Variants in PPARD observed in about 807,000 individuals in gnomAD.
PPARD encodes the protein peroxisome proliferator-activated receptor delta.
PPARD carries 6 observed loss-of-function variants against 39.5 expected under a neutral mutation model. That is an observed-to-expected ratio of 0.15 (90% CI 0.08 to 0.30). PPARD has a LOEUF of 0.30. PPARD is among the 10% of genes least tolerant of loss of function. The probability of loss-of-function intolerance (pLI) is 1.00; values close to 1 mark genes in which losing one functional copy is unlikely to be tolerated. For missense variants in PPARD, 397 were observed against 596.8 expected (o/e 0.67, Z 3.49); for synonymous variants, 210 against 231.3 (o/e 0.91, Z 0.83).
intron 2 of PPARD, among the ~76,000 whole-genome samples, chr6:35,370,273 T>A (rs1393388220): frequency 1.4e-4 from 22 of 152,114 alleles, no homozygotes; most frequent in Non-Finnish European, 1.5e-4. Flanking sequence ...TGTGGCTCCG[T>A]GGTATTGTAT....
At chr6:35,388,022 A>G (rs908326344) in intron 2 of PPARD, among the ~76,000 whole-genome samples, 7 of 136,358 alleles carry the variant, frequency 5.1e-5, no homozygotes, top group African/African-American at 2.1e-4. Flanking sequence ...ACACCTGGCC[A>G]TTCTTTTTTT....
At chr6:35,390,509 T>C (rs1385595277) in intron 2 of PPARD, among the ~76,000 whole-genome samples, 7 of 152,162 alleles carry the variant, frequency 4.6e-5, no homozygotes, top group South Asian at 2.1e-4. Context: ...CCAACAGTTA[T>C]TAACTTTCAG....
At position 35,390,681 on chromosome 6, in the gene PPARD, A is replaced by G. The variant is rs368019423; in HGVS notation, c.-101-20306A>G. ...TTTCAGAGGTGTTTCTGTAAAAAAA[A>G]AAGAAAGAAAAGAAAAAGAGAAAAA... On this transcript the variant is annotated intron_variant, in intron 2 of 7. Transcript: ENST00000360694. 5.3e-4 allele frequency among the ~76,000 whole-genome samples: 80 copies of G among 152,152 alleles called. 1 individual carries two copies. The highest frequency in any genetic ancestry group is 1.9e-3 in the African/African-American group (78 of 41,554).
intron 3 of PPARD, among the ~76,000 whole-genome samples, chr6:35,415,881 A>G (rs980694240): frequency 2.0e-5 from 3 of 151,994 alleles, no homozygotes; most frequent in Non-Finnish European, 4.4e-5. Context: ...AAAGGCAGGC[A>G]GGCTGGAGAG....
At chr6:35,386,562 A>G (rs1763672980) in intron 2 of PPARD, among the ~76,000 whole-genome samples, 1 of 152,056 alleles carries the variant, frequency 6.6e-6, no homozygotes, top group Non-Finnish European at 1.5e-5. Flanking sequence ...AATATTGGAG[A>G]TGACGGAATA....
intron 2 of PPARD, among the ~76,000 whole-genome samples, chr6:35,400,182 C>T (rs1392304912): frequency 2.0e-5 from 3 of 152,162 alleles, no homozygotes; most frequent in East Asian, 3.9e-4. Flanking sequence ...TGCAATTGCA[C>T]GTCCCATTTC....
rs561759418 is a variant in PPARD at position 35,366,612 on chromosome 6, T to C, written c.-102+19462T>C. Among the ~76,000 whole-genome samples the C allele has an allele frequency of 9.1e-3, 1,373 of 150,792 alleles. 38 individuals are homozygous for C. Among genetic ancestry groups the C allele is most frequent in the African/African-American group, 0.031 (1,260 of 40,256 alleles). ...TCACCCAGGCTGGAGTGCAGTGGCA[T>C]GATCTCGGCTCACTGCAACCTCTGC... On this transcript the variant is annotated intron_variant, in intron 2 of 7. Coordinates refer to ENST00000360694, the MANE Select transcript of PPARD (RefSeq NM_006238.5). This position sits in a 1 kb window ranked among gnomAD's most constrained non-coding sequence, Gnocchi z 4.6.
chr6:35,408,503 A>C (rs1318273801), intron 2 of PPARD, among the ~76,000 whole-genome samples: 1 of 152,198 alleles, frequency 6.6e-6, no homozygotes, highest in African/African-American at 2.4e-5. Context: ...GTGCTTCTCA[A>C]GTTTAACACC....
intron 2 of PPARD, chr6:35,348,339 G>C: frequency 5.1e-6 from 5 of 985,372 alleles, no homozygotes; most frequent in Non-Finnish European, 6.0e-6. Context: ...ATAACACACA[G>C]AATTGTTTCT....
rs9658092 is a variant in PPARD at position 35,377,730 on chromosome 6, C to G, written c.-102+30580C>G. Among the ~76,000 whole-genome samples the G allele has an allele frequency of 1.7e-3, 260 of 152,256 alleles. 1 individual carries two copies. The highest frequency in any genetic ancestry group is 3.2e-3 in the Non-Finnish European group (220 of 68,016). ...AGGCTGCCAGGCCTCTGCGCAATTG[C>G]ACTGTTTATTCCTTTGCTGGAATTG... On this transcript the variant is annotated intron_variant, in intron 2 of 7. Coordinates refer to ENST00000360694, the MANE Select transcript of PPARD (RefSeq NM_006238.5).
intron 5 of PPARD, among the ~76,000 whole-genome samples, chr6:35,422,436 G>A (rs890195801): frequency 1.3e-5 from 2 of 152,172 alleles, no homozygotes; most frequent in African/African-American, 2.4e-5. Flanking sequence ...TTTCTTGGAG[G>A]TCACCCACTC....
chr6:35,416,987 A>AT (rs1340974268), intron 3 of PPARD, among the ~76,000 whole-genome samples: 1 of 145,756 alleles, frequency 6.9e-6, no homozygotes, highest in African/African-American at 2.6e-5. Flanking sequence ...TTGTTTATTT[A>AT]TTTTTTTGAG....
intron 3 of PPARD, among the ~76,000 whole-genome samples, chr6:35,413,912 C>T (rs1765586922): frequency 6.6e-6 from 1 of 152,054 alleles, no homozygotes; most frequent in Admixed American, 6.6e-5. Flanking sequence ...ACGAACTCCT[C>T]AGGTGATCCT....
chr6:35,396,174 C>T (rs1171953871), intron 2 of PPARD, among the ~76,000 whole-genome samples: 5 of 151,870 alleles, frequency 3.3e-5, no homozygotes, highest in African/African-American at 7.3e-5. Context: ...TTATTTTCTT[C>T]TTTGAAACTC....
chr6:35,354,814 A>G (rs547640790), intron 2 of PPARD, among the ~76,000 whole-genome samples: 4 of 152,172 alleles, frequency 2.6e-5, no homozygotes, highest in Non-Finnish European at 5.9e-5. Context: ...TCAACATATG[A>G]TGGGTTTGTC....
intron 2 of PPARD, among the ~76,000 whole-genome samples, chr6:35,402,616 C>T (rs1764778319): frequency 6.6e-6 from 1 of 152,178 alleles, no homozygotes. Flanking sequence ...TGTCTTTTCT[C>T]TGGTTCCAGC....
At chr6:35,422,652 C>T (rs564275076) in intron 5 of PPARD, among the ~76,000 whole-genome samples, 13 of 152,132 alleles carry the variant, frequency 8.5e-5, no homozygotes, top group Non-Finnish European at 1.9e-4. Flanking sequence ...CCCTAACTGC[C>T]TTGCATCTTA....
chr6:35,426,359 CTCTT>C lies in PPARD; in HGVS notation c.*281_*284del, dbSNP rs1166337698. On this transcript the variant is annotated 3_prime_UTR_variant, in exon 8 of 8. Transcript: ENST00000360694. ...TGTTTCTTCCTTTCTGTAGGTTTCT[CTCTT>C]CCCTTCTCCCTTGCCCTCCCTTTCT... 2 of 499,734 alleles carry C rather than the reference CTCTT, an allele frequency of 4.0e-6. No homozygotes were observed. Among genetic ancestry groups the C allele is most frequent in the African/African-American group, 3.9e-5 (2 of 51,636 alleles). 31.0% of individuals were successfully genotyped at this position (499,734 alleles called of 1,614,324 possible). A position where few individuals can be genotyped will look rare whatever the true frequency, so the allele number is the denominator to read the frequency against.
intron 2 of PPARD, among the ~76,000 whole-genome samples, chr6:35,400,048 C>G (rs1181939566): frequency 6.6e-6 from 1 of 152,150 alleles, no homozygotes; most frequent in Non-Finnish European, 1.5e-5. Flanking sequence ...ACTTGAGATC[C>G]CTGGGTTCTC....
Sources: gnomAD v4.1 joint callset for allele counts (sites outside exome capture counted in the v4.1 genomes callset) on GRCh38, gnomAD v4.1.1 for gene constraint, Gnocchi (gnomAD v3.1) non-coding constraint, MANE v1.5 for transcripts, NCBI Gene and HGNC (gene_info 2026-07-23, HGNC 2026-07-21) for gene names.